The following SYTL2 variants were observed in gnomAD, a reference collection of about 807,000 sequenced individuals.
SYTL2 encodes synaptotagmin like 2.
A neutral mutation model predicts 198.7 loss-of-function variants in SYTL2; 165 were observed. The observed-to-expected ratio is 0.83, with a 90% confidence interval of 0.73 to 0.94. The LOEUF (loss-of-function observed/expected upper bound fraction) is 0.94, where lower values mean the gene tolerates loss of function less well. Among genes scored for constraint, SYTL2 ranks in the 40% least tolerant of loss-of-function variants. SYTL2 has a pLI of 0.00. For missense variants in SYTL2, 2,835 were observed against 2,582.8 expected (o/e 1.10, Z -2.12); for synonymous variants, 966 against 917.7 (o/e 1.05, Z -0.95).
chr11:85,704,892 T>C lies in SYTL2; in HGVS notation c.6155A>G (p.Asn2052Ser), dbSNP rs775304710. The part of the protein sequence containing the change: ...LETWDWDNKQ[N>S]KQLRWYPLKR... ...CAGAGGGTACCATCTCAATTGTTTA[T>C]TCTGTTTGTTATCCCAGTCCCATGT... Residue 2052 changes from asparagine (N) to serine (S), a missense_variant, in exon 16 of 20, where the codon AAT becomes AGT. Physicochemically the swap from Asn to Ser is conservative, Grantham distance 46. Transcript: ENST00000359152. The C allele has an allele frequency of 6.2e-7, 1 of 1,613,824 alleles. No homozygotes were observed. The highest frequency in any genetic ancestry group is 8.5e-7 in the Non-Finnish European group (1 of 1,179,782).
intron 1 of SYTL2, among the ~76,000 whole-genome samples, chr11:85,796,147 G>A (rs923211402): frequency 8.5e-5 from 13 of 152,260 alleles, no homozygotes; most frequent in African/African-American, 2.2e-4. Flanking sequence ...CTTGGGAGTC[G>A]GGCTTGAGCT....
the SYTL2 span, chr11:85,853,798 A>C: frequency 6.6e-6 from 1 of 152,076 alleles, no homozygotes; most frequent in Non-Finnish European, 1.5e-5. Flanking sequence ...AGGAAAATAA[A>C]AAAATCTCGT....
chr11:85,753,478 C>T (rs978806469), intron 2 of SYTL2, among the ~76,000 whole-genome samples: 1 of 152,152 alleles, frequency 6.6e-6, no homozygotes, highest in Non-Finnish European at 1.5e-5. Flanking sequence ...CCCAGAGACA[C>T]CCCAGTGACT....
intron 1 of SYTL2, among the ~76,000 whole-genome samples, chr11:85,761,497 A>G (rs531135647): frequency 2.6e-5 from 4 of 152,284 alleles, no homozygotes; most frequent in Admixed American, 6.5e-5. Context: ...CACGGGTAAG[A>G]CTGTATTAGG....
intron 9 of SYTL2, chr11:85,719,306 A>T: frequency 3.5e-6 from 4 of 1,157,770 alleles, no homozygotes; most frequent in Middle Eastern, 4.0e-4. Flanking sequence ...GTAACTGGGG[A>T]CCAGCTGCTA....
the SYTL2 span, among the ~76,000 whole-genome samples, chr11:85,842,437 A>G: frequency 6.6e-6 from 1 of 152,182 alleles, no homozygotes; most frequent in Non-Finnish European, 1.5e-5. Context: ...GACAATTCTG[A>G]GCGTATTTTC....
chr11:85,823,297 T>C, the SYTL2 span, among the ~76,000 whole-genome samples: 1 of 152,248 alleles, frequency 6.6e-6, no homozygotes, highest in Non-Finnish European at 1.5e-5. Context: ...CTAGATTATC[T>C]TCTAGTGTGC....
intron 12 of SYTL2, among the ~76,000 whole-genome samples, chr11:85,712,075 C>G (rs904790188): frequency 6.6e-6 from 1 of 152,084 alleles, no homozygotes; most frequent in Non-Finnish European, 1.5e-5. Context: ...GCTTATGGAA[C>G]AGTTCAGTGG....
the SYTL2 span, among the ~76,000 whole-genome samples, chr11:85,830,502 T>C: frequency 6.6e-6 from 1 of 152,194 alleles, no homozygotes; most frequent in African/African-American, 2.4e-5. Context: ...ACATATCCCC[T>C]TGTCCAACCT....
At chr11:85,834,537 T>G in the SYTL2 span, among the ~76,000 whole-genome samples, 1,869 of 152,222 alleles carry the variant, frequency 0.012, 16 homozygotes, top group Middle Eastern at 0.031. Context: ...CTTATAATTT[T>G]ATGACTTTAT....
In SYTL2 at chr11:85,745,670, T is replaced by C; in HGVS notation, c.356A>G (p.Glu119Gly). The part of the protein sequence containing the change: ...LPPELAGVVE[E>G]PEEDAAPASP... ...TGCTGGTGCTGCATCTTCTTCTGGC[T>C]CTTCTACAACGCCAGCCAGCTCTGG... is the stretch of plus-strand genomic sequence containing the variant. The change falls in exon 4 of 20, where the codon GAG becomes GGG. Residue 119 changes from glutamate (E) to glycine (G), a missense_variant. By Grantham distance (98) the Glu-to-Gly change is moderately conservative (BLOSUM62 -2). Coordinates refer to ENST00000359152, the MANE Select transcript of SYTL2 (RefSeq NM_206927.4). 1 of 1,613,858 alleles carries C rather than the reference T, an allele frequency of 6.2e-7. No individual in the cohort carries two copies. Among genetic ancestry groups the C allele is most frequent in the Non-Finnish European group, 8.5e-7 (1 of 1,179,748 alleles).
In SYTL2 at chr11:85,789,338, GTGTATATATATATA is replaced by G. The variant is rs1418439444; in HGVS notation, c.-390+21602_-390+21615del. Among the ~76,000 whole-genome samples the G allele has an allele frequency of 1.4e-3, 37 of 27,098 alleles. 1 individual carries two copies. In the South Asian group the frequency reaches 0.049, roughly 36 times the overall value. The allele number at this position is 27,098 out of a possible 152,430, so 17.8% of individuals were successfully genotyped here. On this transcript the variant is annotated intron_variant, in intron 1 of 19. Transcript: ENST00000359152. ...TGTGTGTGTGTATGTGTGTGTGTGT[GTGTATATATATATA>G]TATATATATATATATATATATATAT...
chr11:85,797,332 T>A lies in SYTL2; in HGVS notation c.-390+13622A>T, dbSNP rs577457544. On this transcript the variant is annotated intron_variant, in intron 1 of 19. Transcript: ENST00000359152. The stretch of plus-strand genomic sequence containing the variant: ...TCTATACAAATGTTATATTAGAAAA[T>A]GTTAGTCTTTTTTGGCCAGGAGCAG... Among the ~76,000 whole-genome samples the A allele has an allele frequency of 6.6e-5, 10 of 152,128 alleles. No homozygotes were observed. In the East Asian group the frequency reaches 1.7e-3, roughly 26 times the overall value.
rs2088911291 is a variant in SYTL2 at position 85,724,945 on chromosome 11, A to G, written c.4413T>C (p.Tyr1471=). ...CCACTTCCTGAGGGAGGCCTTTGCC[A>G]TATTGAGCAACAATGGAAGCAAATG... is the stretch of plus-strand genomic sequence containing the variant. ...LSSFASIVAQ[Y]GKGLPQEVEE... Residue 1471 remains tyrosine (Y), a synonymous_variant, in exon 8 of 20, where the codon TAT becomes TAC. Coordinates refer to ENST00000359152, the MANE Select transcript of SYTL2 (RefSeq NM_206927.4). 6.2e-7 allele frequency: 1 copy of G among 1,613,884 alleles called. No individual in the cohort carries two copies. The highest frequency in any genetic ancestry group is 1.7e-5 in the Admixed American group (1 of 59,984).
At chr11:85,728,083 C>A (rs1565935743) in intron 7 of SYTL2, 116 bp from the exon 8 acceptor site, 3 of 843,224 alleles carry the variant, frequency 3.6e-6, no homozygotes, top group Non-Finnish European at 5.3e-6. Flanking sequence ...ATACCAATAG[C>A]TGTTTATACC....
chr11:85,825,382 C>T, the SYTL2 span, among the ~76,000 whole-genome samples: 1 of 85,180 alleles, frequency 1.2e-5, no homozygotes, highest in Non-Finnish European at 2.3e-5. Context: ...AGCGAGACTC[C>T]GTCTCAAAAA....
intron 4 of SYTL2, among the ~76,000 whole-genome samples, chr11:85,743,063 G>C (rs2090916301): frequency 6.6e-6 from 1 of 152,170 alleles, no homozygotes; most frequent in South Asian, 2.1e-4. Context: ...GAAAGATGTT[G>C]CCACAGAGCC....
intron 1 of SYTL2, among the ~76,000 whole-genome samples, chr11:85,777,125 A>G (rs2092465135): frequency 1.3e-5 from 2 of 152,210 alleles, no homozygotes; most frequent in Admixed American, 6.5e-5. Context: ...ACAAAAGAGC[A>G]TTGTCTTTCA....
At chr11:85,814,609 G>C (rs979952678), upstream of SYTL2, among the ~76,000 whole-genome samples, 2 of 152,190 alleles carry the variant, frequency 1.3e-5, no homozygotes, top group Non-Finnish European at 2.9e-5. Context: ...ACCACTCTCT[G>C]AGCTGCCTTC....
Sources: allele counts gnomAD v4.1 joint callset (sites outside exome capture counted in the v4.1 genomes callset), GRCh38; gene constraint gnomAD v4.1.1; transcripts MANE v1.5; gene names NCBI Gene and HGNC (gene_info 2026-07-23, HGNC 2026-07-21).